Variants in CEP295NL observed in about 807,000 individuals in gnomAD.
CEP295NL encodes protein DDC8 homolog.
A neutral mutation model predicts 4.6 loss-of-function variants in CEP295NL; 3 were observed. The ratio of observed to expected loss-of-function variants is 0.65; its 90% CI spans 0.30 to 1.69. The LOEUF (loss-of-function observed/expected upper bound fraction) is 1.69. Among genes scored for constraint, CEP295NL ranks in the 40% most tolerant of loss-of-function variants. The pLI, the probability that CEP295NL is intolerant of heterozygous loss-of-function variation, is 0.10. For synonymous variants in CEP295NL, 295 were observed against 312.2 expected (o/e 0.94, Z 0.58); for missense variants, 719 against 769.0 (o/e 0.93, Z 0.77).
At chr17:78,897,046 A>G in intron 2 of CEP295NL, 1 of 974,142 alleles carries the variant, frequency 1.0e-6, no homozygotes, top group Admixed American at 6.1e-5. Context: ...GACCTCACCC[A>G]GGGACCCTCC....
At position 78,891,596 on chromosome 17, in the gene CEP295NL, C is replaced by T. The variant is rs1442880548; in HGVS notation, c.908G>A (p.Gly303Glu). 6.4e-7 allele frequency: 1 copy of T among 1,550,908 alleles called. No individual in the cohort carries two copies. The highest frequency in any genetic ancestry group is 1.2e-5 in the South Asian group (1 of 84,070). The change falls in exon 3 of 3, where the codon GGG (glycine) becomes GAG (glutamate). Residue 303 changes from glycine (G) to glutamate (E), a missense_variant. Gly to Glu is a moderately conservative substitution (Grantham distance 98). Transcript: ENST00000322630. The surrounding 1 kb of genome is among the most constrained non-coding windows in gnomAD (Gnocchi z 4.5). ...CAGCTGCCCGAGGTCTCTCAGCTTC[C>T]CCTCCAGACTCTGTCCCTGAGAGCG... ...TSRSQGQSLEGKLRDLGQLWP... is the reference protein window; with the variant it reads ...TSRSQGQSLEEKLRDLGQLWP...
chr17:78,893,432 G>GGT (rs373494208), intron 2 of CEP295NL, among the ~76,000 whole-genome samples: 29,668 of 125,798 alleles, frequency 0.24, 7,260 homozygotes, highest in African/African-American at 0.62. Flanking sequence ...TGTGTGCAGG[G>GGT]GTGTGTGCGT....
At position 78,892,356 on chromosome 17, in the gene CEP295NL, C is replaced by G. The variant is rs1048898212; in HGVS notation, c.148G>C (p.Ala50Pro). Reference protein sequence around the residue: ...SKHLPWEAVSAGFADRNRNMD... With the variant: ...SKHLPWEAVSPGFADRNRNMD... ...TTTCTGTTCCTGTCTGCGAACCCAGCAGATACAGCTTCCCAGGGAAGGTGC... is the reference window on the plus strand; with the variant it reads ...TTTCTGTTCCTGTCTGCGAACCCAGGAGATACAGCTTCCCAGGGAAGGTGC... Residue 50 changes from alanine to proline, a missense_variant, in exon 3 of 3, where the codon GCT (alanine) becomes CCT (proline). Ala to Pro is a conservative substitution (Grantham distance 27). Coordinates refer to ENST00000322630, the MANE Select transcript of CEP295NL (RefSeq NM_001243540.2). 3 of 1,550,566 alleles carry G rather than the reference C, an allele frequency of 1.9e-6. No individual in the cohort carries two copies. The African/African-American group carries it at 4.1e-5, about 21-fold the overall frequency.
chr17:78,901,234 C>G, intron 2 of CEP295NL: 1 of 154,560 alleles, frequency 6.5e-6, no homozygotes, highest in Admixed American at 6.3e-5. Context: ...AAATGATGGT[C>G]AACAGCTACG....
chr17:78,899,387 C>T (rs1027376814), intron 2 of CEP295NL: 1 of 152,456 alleles, frequency 6.6e-6, no homozygotes, highest in Non-Finnish European at 1.5e-5. Context: ...ATGTGATTCC[C>T]TGCTGTCCAC....
rs373812601 is a variant in CEP295NL at position 78,890,672 on chromosome 17, C to T, written c.1832G>A (p.Arg611Gln). 18 of 1,550,468 alleles carry T rather than the reference C, an allele frequency of 1.2e-5. No individual in the cohort carries two copies. The African/African-American group carries it at 1.4e-4, about 12-fold the overall frequency. ...GTTCTGAAACTCCCGCAAGCATTTC[C>T]GGGCTTCTTCAAGAAACTGCTTGTG... ...RLHKQFLEEARKCLREFQNIC is the reference protein window; with the variant it reads ...RLHKQFLEEAQKCLREFQNIC Residue 611 changes from arginine (R) to glutamine (Q), a missense_variant, in exon 3 of 3, where the codon CGG becomes CAG. By Grantham distance (43) the Arg-to-Gln change is conservative (BLOSUM62 1). Transcript: ENST00000322630.
chr17:78,898,104 G>A (rs2070031637), intron 2 of CEP295NL: 1 of 152,202 alleles, frequency 6.6e-6, no homozygotes, highest in Non-Finnish European at 1.5e-5. Context: ...CAGCTTACAC[G>A]GAGGAGCTGG....
At position 78,903,122 on chromosome 17, in the gene CEP295NL, G is replaced by C. The variant is rs1433994798; in HGVS notation, c.-99+12C>G. 6.6e-6 allele frequency: 1 copy of C among 152,366 alleles called. No homozygotes were observed. The highest frequency in any genetic ancestry group is 1.5e-5 in the Non-Finnish European group (1 of 68,156). 9.4% of individuals were successfully genotyped at this position (152,366 alleles called of 1,614,324 possible). A position where few individuals can be genotyped will look rare whatever the true frequency, so the allele number is the denominator to read the frequency against. On this transcript the variant is annotated intron_variant, in intron 1 of 2. Coordinates refer to ENST00000322630, the MANE Select transcript of CEP295NL (RefSeq NM_001243540.2). Reference sequence around the variant, plus strand: ...AGCCTCAGCCCCGCAGTGGTCTCAGGGGCCCACTGACCAAAGGTGGCCGGA... The same window carrying C: ...AGCCTCAGCCCCGCAGTGGTCTCAGCGGCCCACTGACCAAAGGTGGCCGGA...
chr17:78,895,368 TA>T (rs1355583604), intron 2 of CEP295NL, among the ~76,000 whole-genome samples: 1 of 152,114 alleles, frequency 6.6e-6, no homozygotes, highest in African/African-American at 2.4e-5. Context: ...ATACAGCACA[TA>T]AAAACATGTT....
chr17:78,900,081 T>C lies in CEP295NL; in HGVS notation c.44+1704A>G, dbSNP rs567033960. On this transcript the variant is annotated intron_variant, in intron 2 of 2. Transcript: ENST00000322630. ...TTTTGGATTGTCTTTGGGATGATAATATAGGAAATCCCTCGAGGGCTTTTA... is the reference window on the plus strand; with the variant it reads ...TTTTGGATTGTCTTTGGGATGATAACATAGGAAATCCCTCGAGGGCTTTTA... 4 of 152,230 alleles carry C rather than the reference T, an allele frequency of 2.6e-5. 1 individual carries two copies. In the South Asian group the frequency reaches 6.2e-4, roughly 24 times the overall value. 9.4% of individuals were successfully genotyped at this position (152,230 alleles called of 1,614,324 possible).
chr17:78,891,638 A>G lies in CEP295NL; in HGVS notation c.866T>C (p.Val289Ala), dbSNP rs527484347. Residue 289 changes from valine (V) to alanine (A), a missense_variant, in exon 3 of 3, where the codon GTT (valine) becomes GCT (alanine). Coordinates refer to ENST00000322630, the MANE Select transcript of CEP295NL (RefSeq NM_001243540.2). This position sits in a 1 kb window ranked among gnomAD's most constrained non-coding sequence, Gnocchi z 4.5. ...RQLGKGAVCF[V>A]PALTSRSQGQ... The stretch of plus-strand genomic sequence containing the variant: ...CTGAGAGCGACTGGTCAGGGCTGGA[A>G]CAAAGCAAACTGCCCCCTTTCCCAG... 2.4e-4 allele frequency: 370 copies of G among 1,550,966 alleles called. 1 individual carries two copies. The African/African-American group carries it at 4.6e-3, about 19-fold the overall frequency.
chr17:78,892,432 A>G lies in CEP295NL; in HGVS notation c.72T>C (p.Cys24=). The G allele has an allele frequency of 2.6e-6, 4 of 1,550,018 alleles. No individual in the cohort carries two copies. Among genetic ancestry groups the G allele is most frequent in the South Asian group, 1.2e-5 (1 of 84,036 alleles). ...GGGGCGCCCCCGGGCCTGAGGAGCC[A>G]CAGAAGCCACAACGTTCCACAGCAA... is the stretch of plus-strand genomic sequence containing the variant. ...TQFAVERCGF[C]GSSGPGAPLE... is the part of the protein sequence containing the mutation. Residue 24 remains cysteine, a synonymous_variant, in exon 3 of 3, where the codon TGT becomes TGC. Coordinates refer to ENST00000322630, the MANE Select transcript of CEP295NL (RefSeq NM_001243540.2).
intron 2 of CEP295NL, among the ~76,000 whole-genome samples, chr17:78,895,882 T>C (rs949061425): frequency 6.6e-6 from 1 of 152,182 alleles, no homozygotes; most frequent in Non-Finnish European, 1.5e-5. Context: ...CTCACACCCC[T>C]TGTCAACCAA....
At chr17:78,901,393 A>G (rs2889529) in intron 2 of CEP295NL, 110,531 of 239,908 alleles carry the variant, frequency 0.46, 27,257 homozygotes, top group African/African-American at 0.65. Context: ...AACAAGGAGC[A>G]AATCTGAACG....
intron 2 of CEP295NL, among the ~76,000 whole-genome samples, chr17:78,900,564 T>C (rs2145783351): frequency 6.7e-6 from 1 of 149,990 alleles, no homozygotes; most frequent in East Asian, 2.0e-4. Flanking sequence ...AAAAAATGTG[T>C]TTTTTAATAA....
rs549715207 is a variant in CEP295NL, at chr17:78,900,414, A to T, written c.44+1371T>A. Among the ~76,000 whole-genome samples the T allele has an allele frequency of 6.6e-5, 10 of 152,138 alleles. No individual in the cohort carries two copies. In the South Asian group the frequency reaches 2.1e-3, roughly 32 times the overall value. On this transcript the variant is annotated intron_variant, in intron 2 of 2. Coordinates refer to ENST00000322630, the MANE Select transcript of CEP295NL (RefSeq NM_001243540.2). Reference sequence around the variant, plus strand: ...CAAAAAATTAGCCAGGTGTGGTGGTATATGCCTGTAATCCCAGCTACTCAG... The same window carrying T: ...CAAAAAATTAGCCAGGTGTGGTGGTTTATGCCTGTAATCCCAGCTACTCAG...
intron 2 of CEP295NL, among the ~76,000 whole-genome samples, chr17:78,894,093 CT>C (rs1323920201): frequency 6.6e-6 from 1 of 152,198 alleles, no homozygotes; most frequent in Non-Finnish European, 1.5e-5. Context: ...AATACTGCAT[CT>C]ACATTACAGC....
At chr17:78,899,767 C>T (rs2070061550) in intron 2 of CEP295NL, 1 of 152,374 alleles carries the variant, frequency 6.6e-6, no homozygotes. Context: ...ATCCTACCCG[C>T]ATGTCCCCAG....
rs1308262217 is a variant in CEP295NL at position 78,891,536 on chromosome 17, A to G, written c.968T>C (p.Val323Ala). 1 of 1,550,934 alleles carries G rather than the reference A, an allele frequency of 6.4e-7. No homozygotes were observed. The highest frequency in any genetic ancestry group is 1.4e-5 in the African/African-American group (1 of 73,028). ...GAGCGTGCACTGAGATGCTGGGGAC[A>G]CGGCTTCCCTTCTGCAGCTGGAATC... ...PADSSCRREAVSPASQCTLRE... is the reference protein window; with the variant it reads ...PADSSCRREAASPASQCTLRE... Residue 323 changes from valine to alanine, a missense_variant, in exon 3 of 3, where the codon GTG becomes GCG. By Grantham distance (64) the Val-to-Ala change is moderately conservative (BLOSUM62 0). Coordinates refer to ENST00000322630, the MANE Select transcript of CEP295NL (RefSeq NM_001243540.2). The surrounding 1 kb of genome is among the most constrained non-coding windows in gnomAD (Gnocchi z 4.5).
Sources: gnomAD v4.1 joint callset for allele counts (sites outside exome capture counted in the v4.1 genomes callset) on GRCh38, gnomAD v4.1.1 for gene constraint, Gnocchi (gnomAD v3.1) non-coding constraint, MANE v1.5 for transcripts, NCBI Gene and HGNC (gene_info 2026-07-23, HGNC 2026-07-21) for gene names.